RBFOX1: variants seen among roughly 807,000 people sequenced by gnomAD.
RBFOX1 encodes RNA binding fox-1 homolog 1, also known as RNA binding protein fox-1 homolog 1.
A neutral mutation model predicts 57.7 loss-of-function variants in RBFOX1; 8 were observed. That is an observed-to-expected ratio of 0.14 (90% CI 0.08 to 0.25). The LOEUF (loss-of-function observed/expected upper bound fraction) is 0.25, where lower values mean the gene tolerates loss of function less well. Among genes scored for constraint, RBFOX1 ranks in the 10% least tolerant of loss-of-function variants. The pLI is 1.00. For synonymous variants in RBFOX1, 326 were observed against 222.4 expected, an observed-to-expected ratio of 1.47 and a Z score of -4.15; for missense variants, 611 against 548.5, an observed-to-expected ratio of 1.11 and a Z score of -1.14.
chr16:6,832,728 C>T (rs543856709), intron 3 of RBFOX1, among the ~76,000 whole-genome samples: 1 of 152,218 alleles, frequency 6.6e-6, no homozygotes, highest in African/African-American at 2.4e-5. Context: ...TGGGAAGGGT[C>T]TATCTTTGCA....
intron 3 of RBFOX1, among the ~76,000 whole-genome samples, chr16:5,657,649 T>C (rs1396574330): frequency 1.5e-5 from 2 of 134,580 alleles, no homozygotes; most frequent in African/African-American, 2.9e-5. Flanking sequence ...TCTTTCTTTC[T>C]TTCTTTTCTT....
At chr16:7,270,975 GAC>G (rs1318052531) in intron 4 of RBFOX1, among the ~76,000 whole-genome samples, 6 of 152,204 alleles carry the variant, frequency 3.9e-5, no homozygotes, top group African/African-American at 1.4e-4. Flanking sequence ...TCATTTGGAA[GAC>G]ACACATGTGC....
intron 2 of RBFOX1, among the ~76,000 whole-genome samples, chr16:5,545,328 T>C (rs1489052201): frequency 6.6e-6 from 1 of 152,038 alleles, no homozygotes; most frequent in African/African-American, 2.4e-5. Context: ...CTATACAAAC[T>C]ATTCCAGGAA....
At chr16:6,819,385 T>C (rs2090816788) in intron 3 of RBFOX1, among the ~76,000 whole-genome samples, 1 of 152,126 alleles carries the variant, frequency 6.6e-6, no homozygotes, top group East Asian at 1.9e-4. Flanking sequence ...TTAACATGGC[T>C]GTAGAGTTTA....
At chr16:6,565,975 G>T (rs904460083) in intron 2 of RBFOX1, among the ~76,000 whole-genome samples, 1 of 152,130 alleles carries the variant, frequency 6.6e-6, no homozygotes, top group Non-Finnish European at 1.5e-5. Flanking sequence ...ATCCTGCACT[G>T]GCTGGGAGTG....
chr16:7,357,343 A>G (rs993040170), intron 4 of RBFOX1, among the ~76,000 whole-genome samples: 3 of 152,164 alleles, frequency 2.0e-5, no homozygotes, highest in Admixed American at 1.3e-4. Flanking sequence ...ATTTTTAGAG[A>G]AACTGATGAT....
chr16:6,965,523 GGC>G (rs1371479123), intron 3 of RBFOX1, among the ~76,000 whole-genome samples: 1 of 152,082 alleles, frequency 6.6e-6, no homozygotes, highest in East Asian at 1.9e-4. Flanking sequence ...TTTTAGTAGA[GGC>G]AGGGTTTCAC....
At chr16:6,958,943 T>G (rs560087625) in intron 3 of RBFOX1, among the ~76,000 whole-genome samples, 24 of 152,220 alleles carry the variant, frequency 1.6e-4, no homozygotes, top group Non-Finnish European at 3.2e-4. Flanking sequence ...ATAGGCAGCA[T>G]GGTTCTATGT....
At chr16:5,683,755 A>G (rs1183612029) in intron 3 of RBFOX1, among the ~76,000 whole-genome samples, 1 of 148,282 alleles carries the variant, frequency 6.7e-6, no homozygotes, top group African/African-American at 2.5e-5. Flanking sequence ...GTGTGTATAT[A>G]TAATATATAA....
At chr16:6,760,015 G>C (rs1385356910) in intron 3 of RBFOX1, among the ~76,000 whole-genome samples, 4 of 152,190 alleles carry the variant, frequency 2.6e-5, no homozygotes, top group African/African-American at 7.2e-5. Flanking sequence ...CATTAATAGT[G>C]AAATGGTGGA....
chr16:6,836,006 C>A (rs1010663486), intron 3 of RBFOX1, among the ~76,000 whole-genome samples: 1 of 152,128 alleles, frequency 6.6e-6, no homozygotes, highest in Admixed American at 6.5e-5. Flanking sequence ...GCAGAAGAAG[C>A]TCAGAAATAC....
rs572385200 is a variant in RBFOX1 at position 6,031,599 on chromosome 16, A to G, written c.-127+11607A>G. ...CACACACATCTCTGTATGTGTGCAA[A>G]CGTGCATTTTTGTGTACATTTCTGC... On this transcript the variant is annotated intron_variant, in intron 1 of 15. Transcript: ENST00000550418. Among the ~76,000 whole-genome samples, 3 of 152,270 alleles carry G rather than the reference A, an allele frequency of 2.0e-5. 1 individual carries two copies. Among genetic ancestry groups the G allele is most frequent in the Admixed American group, 2.0e-4 (3 of 15,310 alleles).
rs1189558133 is a variant in RBFOX1 at position 5,425,100 on chromosome 16, TC to T, written c.220-42115del. On this transcript the variant is annotated intron_variant, in intron 1 of 2. Transcript: ENST00000585867. ...ATCTATCTATCTATCTATCTATCTATCTATCTATCTATCTATCTATCTTGAG... is the reference window on the plus strand; with the variant it reads ...ATCTATCTATCTATCTATCTATCTATTATCTATCTATCTATCTATCTTGAG... 4.7e-5 allele frequency among the ~76,000 whole-genome samples: 7 copies of T among 148,512 alleles called. No homozygotes were observed. The East Asian group carries it at 7.9e-4, about 17-fold the overall frequency.
Position 6,936,039 on chromosome 16 carries a change from A to G in RBFOX1, c.-15-116018A>G, listed in dbSNP as rs146503777. 3.4e-3 allele frequency among the ~76,000 whole-genome samples: 518 copies of G among 152,262 alleles called. 6 individuals are homozygous for G. Among genetic ancestry groups the G allele is most frequent in the African/African-American group, 0.012 (489 of 41,562 alleles). ...ATAATGGCAAGAGGGTTTCTTCTCA[A>G]TGCGCAAGAGTATTTTGCCTGCGTC... On this transcript the variant is annotated intron_variant, in intron 3 of 15. Transcript: ENST00000550418.
chr16:6,791,012 C>A (rs1027133132), intron 3 of RBFOX1, among the ~76,000 whole-genome samples: 1 of 151,806 alleles, frequency 6.6e-6, no homozygotes, highest in Non-Finnish European at 1.5e-5. Flanking sequence ...TTCAGGTAAT[C>A]CTTCCACTTC....
intron 3 of RBFOX1, among the ~76,000 whole-genome samples, chr16:6,859,173 A>ATGTATATATATACG: frequency 4.7e-4 from 31 of 65,328 alleles, no homozygotes; most frequent in Non-Finnish European, 7.9e-4. Flanking sequence ...ACGTATATAT[A>ATGTATATATATACG]TGTATATATA....
At chr16:5,520,425 TCTC>T (rs2043969434) in intron 2 of RBFOX1, among the ~76,000 whole-genome samples, 1 of 152,196 alleles carries the variant, frequency 6.6e-6, no homozygotes, top group South Asian at 2.1e-4. Flanking sequence ...CCCCCTGTCT[TCTC>T]AGCCACCATT....
chr16:6,722,281 T>G (rs958860077), intron 3 of RBFOX1, among the ~76,000 whole-genome samples: 2 of 152,076 alleles, frequency 1.3e-5, no homozygotes, highest in African/African-American at 4.8e-5. Context: ...CCTAAGAGTT[T>G]CCACTTCTCC....
chr16:6,611,191 G>C (rs756119419), intron 2 of RBFOX1, among the ~76,000 whole-genome samples: 2 of 152,180 alleles, frequency 1.3e-5, no homozygotes, highest in African/African-American at 4.8e-5. Context: ...CTGTCACCCA[G>C]GCTGGAGTAT....
Sources: gnomAD v4.1 joint callset for allele counts (sites outside exome capture counted in the v4.1 genomes callset) on GRCh38, gnomAD v4.1.1 for gene constraint, MANE v1.5 for transcripts, NCBI Gene and HGNC (gene_info 2026-07-23, HGNC 2026-07-21) for gene names.